Variants in EFCAB13 observed in about 807,000 individuals in gnomAD.
EFCAB13 encodes the protein EF-hand calcium binding domain 13.
In EFCAB13, 91 loss-of-function variants were observed where a neutral mutation model predicts 110.2. The observed-to-expected ratio is 0.83, with a 90% confidence interval of 0.70 to 0.98. The LOEUF (loss-of-function observed/expected upper bound fraction) is 0.98. Ranked by LOEUF, EFCAB13 falls within the 50% of genes least tolerant of loss-of-function variation. The pLI is 0.00. For synonymous variants in EFCAB13, 323 were observed against 369.9 expected (o/e 0.87, Z 1.45); for missense variants, 968 against 1,119.4 (o/e 0.86, Z 1.93).
chr17:47,384,142 C>G (rs2065662323), intron 14 of EFCAB13, among the ~76,000 whole-genome samples: 1 of 148,414 alleles, frequency 6.7e-6, no homozygotes, highest in Admixed American at 6.8e-5. Context: ...ATTGCAACCC[C>G]CAGTTTTTTT....
At chr17:47,328,423 T>G (rs1410079798) in intron 4 of EFCAB13, 40 bp downstream of exon 4, 1 of 1,497,754 alleles carries the variant, frequency 6.7e-7, no homozygotes, top group East Asian at 2.3e-5. Context: ...TCTTCTTTCT[T>G]CTTTTTAAAA....
At chr17:47,400,568 G>C (rs2065773354) in intron 17 of EFCAB13, among the ~76,000 whole-genome samples, 1 of 151,884 alleles carries the variant, frequency 6.6e-6, no homozygotes, top group Non-Finnish European at 1.5e-5. Context: ...ATGGCTCCCT[G>C]CTTCCTTTCT....
At chr17:47,331,315 C>A (rs1228869739) in intron 4 of EFCAB13, among the ~76,000 whole-genome samples, 1 of 151,884 alleles carries the variant, frequency 6.6e-6, no homozygotes, top group Non-Finnish European at 1.5e-5. Context: ...GTTACATTTG[C>A]TCTTGGGGTC....
At chr17:47,336,840 A>T (rs1333747424) in intron 5 of EFCAB13, among the ~76,000 whole-genome samples, 1 of 152,112 alleles carries the variant, frequency 6.6e-6, no homozygotes, top group Non-Finnish European at 1.5e-5. Context: ...ATGTAGGAGA[A>T]ATACTCAATC....
At chr17:47,416,027 T>C (rs982798407) in intron 23 of EFCAB13, among the ~76,000 whole-genome samples, 9 of 152,300 alleles carry the variant, frequency 5.9e-5, no homozygotes, top group Non-Finnish European at 1.3e-4. Context: ...CTAAATGCTT[T>C]GGTGAAACAA....
At chr17:47,439,165 T>G (rs980873418) in intron 24 of EFCAB13, among the ~76,000 whole-genome samples, 2 of 137,312 alleles carry the variant, frequency 1.5e-5, no homozygotes, top group East Asian at 4.5e-4. Flanking sequence ...GTTTCCTCTT[T>G]GTTTTGTTTT....
intron 9 of EFCAB13, among the ~76,000 whole-genome samples, chr17:47,349,467 T>C (rs1222670515): frequency 2.0e-5 from 3 of 152,330 alleles, no homozygotes; most frequent in Non-Finnish European, 4.4e-5. Flanking sequence ...AGCATTCTTA[T>C]TACTGCTGGA....
At chr17:47,378,061 A>T (rs1392742565) in intron 13 of EFCAB13, among the ~76,000 whole-genome samples, 158 bp downstream of exon 13, 1 of 152,242 alleles carries the variant, frequency 6.6e-6, no homozygotes, top group East Asian at 1.9e-4. Flanking sequence ...ATAGTAAAAA[A>T]AAATTCCTTT....
chr17:47,430,166 C>A, intron 24 of EFCAB13: 1 of 1,185,288 alleles, frequency 8.4e-7, no homozygotes, highest in Non-Finnish European at 1.0e-6. Flanking sequence ...TCATCTTATC[C>A]CTGTGTGAGT....
At position 47,440,689 on chromosome 17, in the gene EFCAB13, A is replaced by C; in HGVS notation, c.2897A>C (p.Lys966Thr). ...TTGAATTCTAAGGCAAATATTGCTA[A>C]GCTTAACCCAAACTCAAAATTTTAG... Reference protein sequence around the residue: ...FCLNSKANIAKLNPNSKF With the variant: ...FCLNSKANIATLNPNSKF The change falls in exon 25 of 25, where the codon AAG becomes ACG. Residue 966 changes from lysine to threonine, a missense_variant. Lys to Thr is a moderately conservative substitution (Grantham distance 78). Transcript: ENST00000331493. 6.3e-7 allele frequency: 1 copy of C among 1,575,904 alleles called. No homozygotes were observed. The highest frequency in any genetic ancestry group is 1.4e-5 in the African/African-American group (1 of 73,342).
At chr17:47,375,932 A>G (rs887940963) in intron 12 of EFCAB13, among the ~76,000 whole-genome samples, 2 of 152,154 alleles carry the variant, frequency 1.3e-5, no homozygotes, top group Non-Finnish European at 2.9e-5. Flanking sequence ...TAGGGCTCCA[A>G]GTCTTTATGA....
In EFCAB13 at chr17:47,344,361, T is replaced by C. The variant is rs2065403414; in HGVS notation, c.434+69T>C. ...ACTTGGGTGTTTCTCTCCAGAATCA[T>C]TTATCCCTTCCACATAAAGAATATG... On this transcript the variant is annotated intron_variant, in intron 7 of 24. Coordinates refer to ENST00000331493, the MANE Select transcript of EFCAB13 (RefSeq NM_152347.5). The C allele has an allele frequency of 3.0e-5, 45 of 1,522,456 alleles. No homozygotes were observed. In the South Asian group the frequency reaches 5.1e-4, roughly 17 times the overall value. The allele number at this position is 1,522,456 out of a possible 1,614,324, so 94.3% of individuals were successfully genotyped here. A position where few individuals can be genotyped will look rare whatever the true frequency, so the allele number is the denominator to read the frequency against.
At chr17:47,369,128 T>C (rs559494165) in intron 10 of EFCAB13, among the ~76,000 whole-genome samples, 2 of 152,332 alleles carry the variant, frequency 1.3e-5, no homozygotes, top group East Asian at 3.9e-4. Context: ...TACCAAGTTC[T>C]ACCACAACAG....
Position 47,347,801 on chromosome 17 carries a change from T to C in EFCAB13, c.518-7T>C. Reference sequence around the variant, plus strand: ...AACTAACTAAATGTTTTGTTATGTGTGTGCAGCACTTCATAAAGCCTGTAA... The same window carrying C: ...AACTAACTAAATGTTTTGTTATGTGCGTGCAGCACTTCATAAAGCCTGTAA... On this transcript the variant is annotated splice_region_variant and splice_polypyrimidine_tract_variant and intron_variant, in intron 8 of 24. Coordinates refer to ENST00000331493, the MANE Select transcript of EFCAB13 (RefSeq NM_152347.5). 1 of 1,444,352 alleles carries C rather than the reference T, an allele frequency of 6.9e-7. No individual in the cohort carries two copies. 89.5% of individuals were successfully genotyped at this position (1,444,352 alleles called of 1,614,324 possible).
chr17:47,378,900 C>T (rs139109776), intron 13 of EFCAB13, among the ~76,000 whole-genome samples: 2 of 152,110 alleles, frequency 1.3e-5, no homozygotes, highest in African/African-American at 4.8e-5. Context: ...TAGTATCTAA[C>T]TCAGTCCTTT....
At chr17:47,333,424 C>T (rs183831551) in intron 4 of EFCAB13, among the ~76,000 whole-genome samples, 79 of 152,210 alleles carry the variant, frequency 5.2e-4, no homozygotes, top group East Asian at 3.9e-4. Flanking sequence ...CCTTGCTGTA[C>T]AGAAGCTTTT....
In EFCAB13 at chr17:47,395,986, T is replaced by C; in HGVS notation, c.1945+9T>C. 6.3e-7 allele frequency: 1 copy of C among 1,582,074 alleles called. No homozygotes were observed. The highest frequency in any genetic ancestry group is 1.2e-5 in the South Asian group (1 of 85,846). Reference sequence around the variant, plus strand: ...ACTAGTGACAGTTGATGGTGAGTGTTACAAATACTAAAATTAAAAAGTATA... The same window carrying C: ...ACTAGTGACAGTTGATGGTGAGTGTCACAAATACTAAAATTAAAAAGTATA... On this transcript the variant is annotated intron_variant, in intron 17 of 24. Coordinates refer to ENST00000331493, the MANE Select transcript of EFCAB13 (RefSeq NM_152347.5).
chr17:47,406,219 TC>T (rs940068161), intron 20 of EFCAB13, among the ~76,000 whole-genome samples: 1 of 152,192 alleles, frequency 6.6e-6, no homozygotes, highest in African/African-American at 2.4e-5. Context: ...TTCAAGCGAT[TC>T]TCCTGCCTCA....
chr17:47,389,497 A>C (rs2065694367), intron 14 of EFCAB13, among the ~76,000 whole-genome samples: 1 of 151,780 alleles, frequency 6.6e-6, no homozygotes, highest in African/African-American at 2.4e-5. Flanking sequence ...GTGAGAATAG[A>C]GTTCTTATCA....
Sources: gnomAD v4.1 joint callset for allele counts (sites outside exome capture counted in the v4.1 genomes callset) on GRCh38, gnomAD v4.1.1 for gene constraint, MANE v1.5 for transcripts, NCBI Gene and HGNC (gene_info 2026-07-23, HGNC 2026-07-21) for gene names.